The following CCNH variants were observed in gnomAD, a reference collection of about 807,000 sequenced individuals.
CCNH encodes cyclin H.
A neutral mutation model predicts 41.9 loss-of-function variants in CCNH; 31 were observed. The observed-to-expected ratio is 0.74, with a 90% CI of 0.56 to 1.00. The LOEUF (loss-of-function observed/expected upper bound fraction) is 1.00, where lower values mean the gene tolerates loss of function less well. CCNH is among the 50% of genes least tolerant of loss of function. CCNH has a pLI of 0.00. For missense variants in CCNH, 362 were observed against 388.4 expected (o/e 0.93, Z 0.57); for synonymous variants, 138 against 136.1 (o/e 1.01, Z -0.10).
At chr5:87,379,370 T>A (rs568612961), upstream of CCNH, among the ~76,000 whole-genome samples, 1 of 152,180 alleles carries the variant, frequency 6.6e-6, no homozygotes, top group South Asian at 2.1e-4. Flanking sequence ...TCAGAAGGGT[T>A]ACAGGAAAAG....
chr5:87,384,217 G>A (rs985659282), intron 9 of CCNH, among the ~76,000 whole-genome samples: 6 of 152,056 alleles, frequency 3.9e-5, no homozygotes, highest in Non-Finnish European at 5.9e-5. Context: ...AAGCAGTCCT[G>A]GTTCCTCCCG....
chr5:87,400,321 T>G (rs1763305381), intron 6 of CCNH, among the ~76,000 whole-genome samples: 1 of 152,242 alleles, frequency 6.6e-6, no homozygotes, highest in African/African-American at 2.4e-5. Context: ...AATATCTTAG[T>G]AGCATTAAAC....
At chr5:87,399,216 A>G (rs1763201056) in intron 7 of CCNH, among the ~76,000 whole-genome samples, 178 bp downstream of exon 7, 2 of 152,218 alleles carry the variant, frequency 1.3e-5, no homozygotes, top group Admixed American at 6.5e-5. Context: ...TCAGAACTGC[A>G]CAGTGAATGC....
At chr5:87,311,820 A>G in the CCNH span, among the ~76,000 whole-genome samples, 2 of 152,194 alleles carry the variant, frequency 1.3e-5, no homozygotes, top group African/African-American at 4.8e-5. Flanking sequence ...CCTCCCGTAA[A>G]TTACATTGTT....
exon 1 of CCNH, chr5:87,377,079 G>C: frequency 6.3e-7 from 1 of 1,582,890 alleles, no homozygotes; most frequent in Non-Finnish European, 8.7e-7. Context: ...AAGAAACTGG[G>C]TTTAGATTTT....
rs201320287 is a variant in CCNH, at chr5:87,409,407, G to A, written c.241-44C>T. 1.4e-5 allele frequency: 16 copies of A among 1,105,174 alleles called. No individual in the cohort carries two copies. The Admixed American group carries it at 2.4e-4, about 17-fold the overall frequency. The allele number at this position is 1,105,174 out of a possible 1,614,324, so 68.5% of individuals were successfully genotyped here. On this transcript the variant is annotated intron_variant, in intron 2 of 8. Coordinates refer to ENST00000256897, the MANE Select transcript of CCNH (RefSeq NM_001239.4). ...ATATCATCAGGATCTAGTCACAAAT[G>A]TTAAATGTTAAATTTTGTGAAACAG... is the stretch of plus-strand genomic sequence containing the variant.
intron 9 of CCNH, among the ~76,000 whole-genome samples, chr5:87,329,751 A>C (rs1350406773): frequency 2.0e-5 from 3 of 152,144 alleles, no homozygotes; most frequent in African/African-American, 7.2e-5. Context: ...CTACTGCTTT[A>C]AGTAATGAGG....
chr5:87,376,899 C>G, exon 1 of CCNH: 1 of 1,608,148 alleles, frequency 6.2e-7, no homozygotes, highest in East Asian at 2.2e-5. Context: ...GCAAAAGGAA[C>G]TTCATGTAGT....
chr5:87,347,549 G>A (rs1758950832), intron 9 of CCNH, among the ~76,000 whole-genome samples: 1 of 151,912 alleles, frequency 6.6e-6, no homozygotes, highest in Non-Finnish European at 1.5e-5. Flanking sequence ...TATATTTGGT[G>A]AAATAGATTC....
chr5:87,362,697 C>A (rs772203792), intron 9 of CCNH: 5 of 1,595,132 alleles, frequency 3.1e-6, no homozygotes, highest in Non-Finnish European at 8.6e-7. Context: ...TATCATTAAC[C>A]CATTTGATAG....
At chr5:87,401,041 G>T (rs528035750) in intron 6 of CCNH, among the ~76,000 whole-genome samples, 3 of 152,206 alleles carry the variant, frequency 2.0e-5, no homozygotes, top group African/African-American at 2.4e-5. Flanking sequence ...TATCACAAAA[G>T]TGGTGGCTTA....
At chr5:87,374,682 C>T (rs1333840454), downstream of CCNH, among the ~76,000 whole-genome samples, 1 of 150,942 alleles carries the variant, frequency 6.6e-6, no homozygotes, top group Non-Finnish European at 1.5e-5. Context: ...CTTCTGTATA[C>T]CAAATAATAA....
chr5:87,338,145 G>A, intron 9 of CCNH: 1 of 1,604,988 alleles, frequency 6.2e-7, no homozygotes, highest in Non-Finnish European at 8.5e-7. Context: ...TTATAAATTT[G>A]GATCTTGTCC....
chr5:87,381,327 A>G (rs2112502969), upstream of CCNH, among the ~76,000 whole-genome samples: 1 of 152,310 alleles, frequency 6.6e-6, no homozygotes, highest in Non-Finnish European at 1.5e-5. Flanking sequence ...CTTGAGTCTT[A>G]TTGTAGGCTT....
upstream of CCNH, among the ~76,000 whole-genome samples, chr5:87,381,332 A>C (rs756754334): frequency 2.0e-5 from 3 of 152,196 alleles, no homozygotes; most frequent in Non-Finnish European, 4.4e-5. Flanking sequence ...GTCTTATTGT[A>C]GGCTTTTGCT....
intron 9 of CCNH, among the ~76,000 whole-genome samples, chr5:87,359,311 C>A (rs1023530203): frequency 6.6e-6 from 1 of 152,152 alleles, no homozygotes; most frequent in Admixed American, 6.5e-5. Context: ...CTGAATTTCC[C>A]TTGGGAGGAA....
At chr5:87,319,676 C>T (rs1756631239) in intron 9 of CCNH, among the ~76,000 whole-genome samples, 1 of 152,204 alleles carries the variant, frequency 6.6e-6, no homozygotes, top group African/African-American at 2.4e-5. Context: ...ATTTTTCCCT[C>T]TTAGACCTCC....
At chr5:87,357,269 T>A (rs1374597662) in intron 9 of CCNH, among the ~76,000 whole-genome samples, 3 of 152,114 alleles carry the variant, frequency 2.0e-5, no homozygotes, top group Non-Finnish European at 4.4e-5. Flanking sequence ...GTGTATTTTT[T>A]AAATAACATG....
At chr5:87,395,528 AATGTGTGAT>A (rs953857331) in intron 7 of CCNH, among the ~76,000 whole-genome samples, 1 of 152,172 alleles carries the variant, frequency 6.6e-6, no homozygotes, top group African/African-American at 2.4e-5. Context: ...GGATGAATTT[AATGTGTGAT>A]AAGAAGTGTT....
Sources: allele counts gnomAD v4.1 joint callset (sites outside exome capture counted in the v4.1 genomes callset), GRCh38; gene constraint gnomAD v4.1.1; transcripts MANE v1.5; gene names NCBI Gene and HGNC (gene_info 2026-07-23, HGNC 2026-07-21).